CHN2: variants seen among roughly 807,000 people sequenced by gnomAD.
The protein encoded by CHN2 is beta-chimaerin.
Under a neutral mutation model 56.3 loss-of-function variants are expected in CHN2, and 35 were observed. The observed-to-expected ratio is 0.62, with a 90% confidence interval of 0.47 to 0.82. The LOEUF is 0.82. Ranked by LOEUF, CHN2 falls within the 40% of genes least tolerant of loss-of-function variation. CHN2 has a pLI of 0.00. For missense variants in CHN2, 491 were observed against 580.5 expected, an observed-to-expected ratio of 0.85 and a Z score of 1.58; for synonymous variants, 210 against 212.8, an observed-to-expected ratio of 0.99 and a Z score of 0.12.
intron 1 of CHN2, among the ~76,000 whole-genome samples, chr7:29,273,371 A>ATATATATG (rs1790891617): frequency 2.1e-5 from 1 of 48,656 alleles, no homozygotes; most frequent in East Asian, 3.4e-3. Flanking sequence ...ATATATATAT[A>ATATATATG]TATATATATA....
chr7:29,385,604 G>A (rs1315889405), intron 3 of CHN2, among the ~76,000 whole-genome samples: 3 of 152,198 alleles, frequency 2.0e-5, no homozygotes, highest in Non-Finnish European at 2.9e-5. Context: ...AGTTGTGTAG[G>A]TTTGACCACG....
chr7:29,399,190 T>C (rs1802005686), intron 5 of CHN2, among the ~76,000 whole-genome samples: 1 of 152,148 alleles, frequency 6.6e-6, no homozygotes, highest in East Asian at 1.9e-4. Flanking sequence ...TCTGGAAAGT[T>C]AGTGTTTCTA....
rs1791801380 is a variant in CHN2, at chr7:29,514,091, G to A, written c.*1356G>A. The A allele has an allele frequency of 6.6e-6, 1 of 152,552 alleles. No homozygotes were observed. Among genetic ancestry groups the A allele is most frequent in the Non-Finnish European group, 1.5e-5 (1 of 68,026 alleles). The allele number at this position is 152,552 out of a possible 1,614,324, so 9.4% of individuals were successfully genotyped here. A position where few individuals can be genotyped will look rare whatever the true frequency, so the allele number is the denominator to read the frequency against. On this transcript the variant is annotated 3_prime_UTR_variant, in exon 13 of 13. Coordinates refer to ENST00000222792, the MANE Select transcript of CHN2 (RefSeq NM_004067.4). The stretch of plus-strand genomic sequence containing the variant: ...GCATCATTGTGTGACTGTTGACCTG[G>A]ACAGTCCCAAGGGCTATGCAGATGG...
rs1459480414 is a variant in CHN2, at chr7:29,472,313, T to TCACACGCACAC, written c.577-7966_577-7965insCACACGCACAC. On this transcript the variant is annotated intron_variant, in intron 6 of 12. Coordinates refer to ENST00000222792, the MANE Select transcript of CHN2 (RefSeq NM_004067.4). ...CACACACACACGCACACACACACAT[T>TCACACGCACAC]AGACACAGAAATAGGTAGTAGGCAT... Among the ~76,000 whole-genome samples the TCACACGCACAC allele has an allele frequency of 1.4e-4, 11 of 77,754 alleles. No homozygotes were observed. In the South Asian group the frequency reaches 1.4e-3, roughly 10 times the overall value. The allele number at this position is 77,754 out of a possible 152,430, so 51.0% of individuals were successfully genotyped here.
At chr7:29,293,901 G>C (rs6955678) in intron 1 of CHN2, among the ~76,000 whole-genome samples, 3,292 of 117,490 alleles carry the variant, frequency 0.028, 150 homozygotes, top group African/African-American at 0.1. Context: ...GAGTCTCGCT[G>C]TGTCGCCCAG....
chr7:29,504,807 T>C lies in CHN2; in HGVS notation c.977T>C (p.Met326Thr), dbSNP rs761588338. ...GFTEHIEDVK[M>T]AFDRDGEKAD... is the part of the protein sequence containing the mutation. ...ACTGAACACATTGAAGATGTCAAAA[T>C]GGCATTTGACAGAGGTAAGCTTGTA... Residue 326 changes from methionine (M) to threonine (T), a missense_variant, in exon 10 of 13, where the codon ATG (methionine) becomes ACG (threonine). Transcript: ENST00000222792. 1.2e-6 allele frequency: 2 copies of C among 1,612,556 alleles called. No individual in the cohort carries two copies. The highest frequency in any genetic ancestry group is 4.5e-5 in the East Asian group (2 of 44,846).
chr7:29,209,263 A>C (rs148252828), intron 1 of CHN2, among the ~76,000 whole-genome samples: 1 of 152,256 alleles, frequency 6.6e-6, no homozygotes, highest in Non-Finnish European at 1.5e-5. Context: ...TTATGTCATG[A>C]ATGTCCTCAG....
At chr7:29,243,272 T>G (rs1378109185) in intron 1 of CHN2, among the ~76,000 whole-genome samples, 1 of 152,198 alleles carries the variant, frequency 6.6e-6, no homozygotes, top group Non-Finnish European at 1.5e-5. Context: ...TATGTCTCAT[T>G]TTTCATAGAA....
chr7:29,365,646 G>A (rs1799095842), intron 2 of CHN2, among the ~76,000 whole-genome samples: 1 of 152,192 alleles, frequency 6.6e-6, no homozygotes, highest in South Asian at 2.1e-4. Context: ...AGGCCCTGAG[G>A]TTGAAGGGAA....
At chr7:29,409,439 A>G (rs988348456) in intron 6 of CHN2, among the ~76,000 whole-genome samples, 2 of 152,236 alleles carry the variant, frequency 1.3e-5, no homozygotes, top group Admixed American at 6.5e-5. Flanking sequence ...TTCCAAATAA[A>G]AAAGTGATGA....
chr7:29,240,048 A>C (rs1045214460), intron 1 of CHN2, among the ~76,000 whole-genome samples: 4 of 152,220 alleles, frequency 2.6e-5, no homozygotes, highest in Non-Finnish European at 5.9e-5. Context: ...GCCCGCAGGC[A>C]GCCACCCTTT....
intron 1 of CHN2, among the ~76,000 whole-genome samples, chr7:29,197,066 A>G (rs1783794178): frequency 6.6e-6 from 1 of 152,206 alleles, no homozygotes; most frequent in African/African-American, 2.4e-5. Context: ...CATTGTGTGG[A>G]TCATGAATAA....
intron 1 of CHN2, among the ~76,000 whole-genome samples, chr7:29,264,110 G>T (rs1425884080): frequency 1.4e-5 from 2 of 146,752 alleles, no homozygotes; most frequent in African/African-American, 4.9e-5. Context: ...TGCCCCGTCT[G>T]GGAAGTGAGG....
At chr7:29,195,027 G>A in intron 1 of CHN2, 37 bp downstream of exon 1, 3 of 1,576,640 alleles carry the variant, frequency 1.9e-6, no homozygotes, top group Non-Finnish European at 2.6e-6. Flanking sequence ...TGCCGCGCCG[G>A]GTCTCGCCCC....
At chr7:29,453,769 C>T (rs1784560392) in intron 6 of CHN2, among the ~76,000 whole-genome samples, 1 of 152,122 alleles carries the variant, frequency 6.6e-6, no homozygotes, top group African/African-American at 2.4e-5. Context: ...TAAATCCATC[C>T]ACTAATGAGC....
chr7:29,199,291 C>G (rs758934569), intron 1 of CHN2, among the ~76,000 whole-genome samples: 6 of 152,208 alleles, frequency 3.9e-5, no homozygotes, highest in Non-Finnish European at 7.3e-5. Flanking sequence ...GTATGTCTAA[C>G]TAGAAATTCT....
At chr7:29,182,510 C>T (rs1268086088) in intron 2 of CHN2, among the ~76,000 whole-genome samples, 2 of 152,214 alleles carry the variant, frequency 1.3e-5, no homozygotes. Context: ...TATTTAACTA[C>T]TTGACAAGTT....
At chr7:29,366,218 G>A (rs1039245360) in intron 2 of CHN2, among the ~76,000 whole-genome samples, 1 of 152,172 alleles carries the variant, frequency 6.6e-6, no homozygotes, top group African/African-American at 2.4e-5. Flanking sequence ...GTTCTGAGCA[G>A]AGATGTGGGA....
At chr7:29,412,818 G>A (rs1169539807) in intron 6 of CHN2, among the ~76,000 whole-genome samples, 3 of 137,314 alleles carry the variant, frequency 2.2e-5, no homozygotes, top group African/African-American at 8.1e-5. Context: ...GGAACCTGTA[G>A]ACTCTGAAGA....
Sources: gnomAD v4.1 joint callset for allele counts (sites outside exome capture counted in the v4.1 genomes callset) on GRCh38, gnomAD v4.1.1 for gene constraint, MANE v1.5 for transcripts, NCBI Gene and HGNC (gene_info 2026-07-23, HGNC 2026-07-21) for gene names.